Variants in PRICKLE1 observed in about 807,000 individuals in gnomAD.
PRICKLE1 encodes the protein prickle-like protein 1.
PRICKLE1 carries 14 observed loss-of-function variants against 70.2 expected under a neutral mutation model. That is an observed-to-expected ratio of 0.20 (90% confidence interval 0.13 to 0.31). PRICKLE1 has a LOEUF of 0.31. PRICKLE1 is among the 10% of genes least tolerant of loss of function. PRICKLE1 has a pLI of 1.00. For synonymous variants in PRICKLE1, 357 were observed against 379.9 expected (o/e 0.94, Z 0.70); for missense variants, 821 against 1,026.2 (o/e 0.80, Z 2.73).
At chr12:42,516,821 C>G (rs1049826369) in intron 1 of PRICKLE1, among the ~76,000 whole-genome samples, 1 of 152,142 alleles carries the variant, frequency 6.6e-6, no homozygotes, top group Non-Finnish European at 1.5e-5. Context: ...ACCCACACCC[C>G]CTCTCCCCAC....
chr12:42,535,052 G>A (rs1488469112), intron 1 of PRICKLE1, among the ~76,000 whole-genome samples: 4 of 152,172 alleles, frequency 2.6e-5, no homozygotes, highest in Non-Finnish European at 5.9e-5. Context: ...TTTAGGGTGG[G>A]ACACATGACC....
rs1273563696 is a variant in PRICKLE1, at chr12:42,464,686, T to C, written c.1348A>G (p.Lys450Glu). Residue 450 changes from lysine (K) to glutamate (E), a missense_variant, in exon 7 of 8, where the codon AAA becomes GAA. Transcript: ENST00000345127. The surrounding 1 kb of genome is among the most constrained non-coding windows in gnomAD (Gnocchi z 4.2). ...TTTTGCTTTAACTCGGTCTTACTTTTAACCATGTTATCAGATATCCAGTGC... is the reference window on the plus strand; with the variant it reads ...TTTTGCTTTAACTCGGTCTTACTTTCAACCATGTTATCAGATATCCAGTGC... ...SEHWISDNMV[K>E]SKTELKQNNQ... is the part of the protein sequence containing the mutation. 2.5e-6 allele frequency: 4 copies of C among 1,614,116 alleles called. No homozygotes were observed.
intron 1 of PRICKLE1, among the ~76,000 whole-genome samples, chr12:42,478,408 C>CA (rs1938656631): frequency 6.6e-6 from 1 of 152,040 alleles, no homozygotes; most frequent in African/African-American, 2.4e-5. Context: ...GAAAGAAAAG[C>CA]AAAACAGTTT....
chr12:42,551,520 C>A (rs1940317340), intron 1 of PRICKLE1, among the ~76,000 whole-genome samples: 1 of 152,120 alleles, frequency 6.6e-6, no homozygotes, highest in South Asian at 2.1e-4. Context: ...CAGCAGCCTG[C>A]AGAACAGGAA....
At chr12:42,532,689 A>C (rs1939940470) in intron 1 of PRICKLE1, among the ~76,000 whole-genome samples, 1 of 152,048 alleles carries the variant, frequency 6.6e-6, no homozygotes, top group Non-Finnish European at 1.5e-5. Context: ...CGAGGTCAGG[A>C]GATCGAGACC....
chr12:42,486,976 G>A (rs1593132757), intron 1 of PRICKLE1, among the ~76,000 whole-genome samples: 2 of 152,144 alleles, frequency 1.3e-5, no homozygotes, highest in South Asian at 2.1e-4. Context: ...TTTTCAATGC[G>A]AGCATATTCC....
At chr12:42,518,013 C>A (rs1470483741) in intron 1 of PRICKLE1, among the ~76,000 whole-genome samples, 1 of 151,932 alleles carries the variant, frequency 6.6e-6, no homozygotes, top group East Asian at 1.9e-4. Context: ...ATTTAAGACC[C>A]AGTCTAATGC....
At chr12:42,475,866 G>T (rs1208905295) in intron 1 of PRICKLE1, among the ~76,000 whole-genome samples, 2 of 151,846 alleles carry the variant, frequency 1.3e-5, no homozygotes, top group Non-Finnish European at 2.9e-5. Context: ...GCTGGGGGGG[G>T]GCGGGGGCAG....
At position 42,522,416 on chromosome 12, in the gene PRICKLE1, G is replaced by A. The variant is rs545411451; in HGVS notation, c.-48-49852C>T. On this transcript the variant is annotated intron_variant, in intron 1 of 7. Transcript: ENST00000345127. ...GCTTGTCTGAAATCAGGGGTTTTAG[G>A]GCTATTTTCTACCATGCTTATACAA... is the stretch of plus-strand genomic sequence containing the variant. Among the ~76,000 whole-genome samples the A allele has an allele frequency of 1.7e-4, 26 of 152,244 alleles. No homozygotes were observed. The South Asian group carries it at 5.2e-3, about 30-fold the overall frequency.
At chr12:42,537,538 A>G (rs1940035497) in intron 1 of PRICKLE1, among the ~76,000 whole-genome samples, 1 of 152,174 alleles carries the variant, frequency 6.6e-6, no homozygotes, top group Admixed American at 6.5e-5. Flanking sequence ...AATATTGACC[A>G]TATCAAACAG....
chr12:42,466,570 T>C (rs933677502), intron 5 of PRICKLE1, among the ~76,000 whole-genome samples, 190 bp from the exon 6 acceptor site: 4 of 152,146 alleles, frequency 2.6e-5, no homozygotes, highest in African/African-American at 9.7e-5. Context: ...AGAGCATAAA[T>C]TGACAGTGCT....
chr12:42,556,737 G>A (rs1480451334), intron 1 of PRICKLE1, among the ~76,000 whole-genome samples: 2 of 152,200 alleles, frequency 1.3e-5, no homozygotes, highest in African/African-American at 4.8e-5. Flanking sequence ...CCAACTTCTT[G>A]ACTTTCCAAT....
chr12:42,506,259 C>CTTTCT (rs1555234489), intron 1 of PRICKLE1, among the ~76,000 whole-genome samples: 2 of 121,146 alleles, frequency 1.7e-5, no homozygotes, highest in Non-Finnish European at 3.2e-5. Flanking sequence ...TTCTTTCTTT[C>CTTTCT]TTTTTTTTTT....
rs781459043 is a variant in PRICKLE1 at position 42,464,948 on chromosome 12, G to T, written c.1086C>A (p.Gly362=). 3 of 1,614,010 alleles carry T rather than the reference G, an allele frequency of 1.9e-6. No individual in the cohort carries two copies. Among genetic ancestry groups the T allele is most frequent in the Admixed American group, 1.7e-5 (1 of 59,996 alleles). The change falls in exon 7 of 8, where the codon GGC becomes GGA. Residue 362 remains glycine, a synonymous_variant. Coordinates refer to ENST00000345127, the MANE Select transcript of PRICKLE1 (RefSeq NM_153026.3). This position sits in a 1 kb window ranked among gnomAD's most constrained non-coding sequence, Gnocchi z 4.2. ...GGGTGTCATCAGCATTGCCTGAGAG[G>T]CCAGGAAACTTGTAGTTCAGAGCAG... The part of the protein sequence containing the change: ...LSPALNYKFP[G]LSGNADDTLS...
At chr12:42,493,547 A>G (rs564010602) in intron 1 of PRICKLE1, among the ~76,000 whole-genome samples, 1 of 152,274 alleles carries the variant, frequency 6.6e-6, no homozygotes, top group South Asian at 2.1e-4. Flanking sequence ...CCAAACAAAT[A>G]TTGTCCTTCG....
chr12:42,506,822 C>T (rs1432668185), intron 1 of PRICKLE1, among the ~76,000 whole-genome samples: 1 of 151,920 alleles, frequency 6.6e-6, no homozygotes, highest in African/African-American at 2.4e-5. Flanking sequence ...CTACCCGCCT[C>T]GACCTCCTAA....
In PRICKLE1 at chr12:42,477,041, AAC is replaced by A. The variant is rs1938566144; in HGVS notation, c.-48-4479_-48-4478del. The stretch of plus-strand genomic sequence containing the variant: ...CAGTCGGGTAAAGCAGTGGCAGCTA[AAC>A]ACAGTTCTTACGCTTGTAAAAAGTT... On this transcript the variant is annotated intron_variant, in intron 1 of 7. Transcript: ENST00000345127. Among the ~76,000 whole-genome samples, 3 of 152,152 alleles carry A rather than the reference AAC, an allele frequency of 2.0e-5. No individual in the cohort carries two copies. In the South Asian group the frequency reaches 6.2e-4, roughly 32 times the overall value.
At position 42,536,839 on chromosome 12, in the gene PRICKLE1, G is replaced by GT. The variant is rs35731706; in HGVS notation, c.-49+52625dup. Among the ~76,000 whole-genome samples the GT allele has an allele frequency of 4.7e-3, 719 of 152,128 alleles. 3 individuals carry two copies. Among genetic ancestry groups the GT allele is most frequent in the African/African-American group, 0.016 (673 of 41,508 alleles). On this transcript the variant is annotated intron_variant, in intron 1 of 7. Transcript: ENST00000345127. ...AGCTTTTCTTCACTTGGTGTGCATA[G>GT]TTTTTGCTCCATTTGCTATGAGGAC...
chr12:42,464,689 C>T lies in PRICKLE1; in HGVS notation c.1345G>A (p.Val449Ile). The change falls in exon 7 of 8, where the codon GTT becomes ATT. Residue 449 changes from valine (V) to isoleucine (I), a missense_variant. By Grantham distance (29) the Val-to-Ile change is conservative. Transcript: ENST00000345127. This position sits in a 1 kb window ranked among gnomAD's most constrained non-coding sequence, Gnocchi z 4.2. ...ASEHWISDNM[V>I]KSKTELKQNN... ...TGCTTTAACTCGGTCTTACTTTTAA[C>T]CATGTTATCAGATATCCAGTGCTCA... 2 of 1,614,054 alleles carry T rather than the reference C, an allele frequency of 1.2e-6. No homozygotes were observed. The highest frequency in any genetic ancestry group is 1.7e-6 in the Non-Finnish European group (2 of 1,180,006).
Sources: gnomAD v4.1 joint callset for allele counts (sites outside exome capture counted in the v4.1 genomes callset) on GRCh38, gnomAD v4.1.1 for gene constraint, Gnocchi (gnomAD v3.1) non-coding constraint, MANE v1.5 for transcripts, NCBI Gene and HGNC (gene_info 2026-07-23, HGNC 2026-07-21) for gene names.